Variants in CSMD3 observed in about 807,000 individuals in gnomAD.
CSMD3 encodes CUB and Sushi multiple domains 3.
Under a neutral mutation model 435.2 loss-of-function variants are expected in CSMD3, and 177 were observed. That is an observed-to-expected ratio of 0.41 (90% confidence interval 0.36 to 0.46). The LOEUF (loss-of-function observed/expected upper bound fraction) is 0.46. Among genes scored for constraint, CSMD3 ranks in the 20% least tolerant of loss-of-function variants. The pLI is 0.34. For missense variants in CSMD3, 4,265 were observed against 4,504.6 expected (o/e 0.95, Z 1.52); for synonymous variants, 1,656 against 1,520.5 (o/e 1.09, Z -2.07).
chr8:112,714,103 C>A (rs1252540212), intron 13 of CSMD3, among the ~76,000 whole-genome samples: 1 of 151,986 alleles, frequency 6.6e-6, no homozygotes, highest in East Asian at 1.9e-4. Context: ...GAGCTAAATG[C>A]CTCAATTAAA....
At chr8:112,536,446 G>T (rs2131106085) in intron 27 of CSMD3, among the ~76,000 whole-genome samples, 1 of 152,296 alleles carries the variant, frequency 6.6e-6, no homozygotes. Context: ...GGCCATCAGA[G>T]AAATGCAAAT....
intron 35 of CSMD3, among the ~76,000 whole-genome samples, chr8:112,392,716 T>C (rs770691063): frequency 5.3e-5 from 8 of 152,008 alleles, no homozygotes; most frequent in Non-Finnish European, 1.2e-4. Flanking sequence ...TCCCTATGGC[T>C]GGTATGTTTT....
At chr8:113,047,204 T>C (rs1026729807) in intron 5 of CSMD3, among the ~76,000 whole-genome samples, 2 of 152,200 alleles carry the variant, frequency 1.3e-5, no homozygotes, top group African/African-American at 2.4e-5. Context: ...CACTTTCTAA[T>C]AGTTACCGTA....
intron 20 of CSMD3, among the ~76,000 whole-genome samples, chr8:112,641,588 G>A (rs2074829339): frequency 6.6e-6 from 1 of 152,160 alleles, no homozygotes; most frequent in Non-Finnish European, 1.5e-5. Flanking sequence ...TGTAATCCCA[G>A]CACTTTGGGA....
At chr8:113,144,935 T>C (rs1356298326) in intron 4 of CSMD3, among the ~76,000 whole-genome samples, 1 of 151,456 alleles carries the variant, frequency 6.6e-6, no homozygotes, top group African/African-American at 2.4e-5. Flanking sequence ...GATTGGGAAA[T>C]GAAAGTGATG....
intron 30 of CSMD3, 91 bp from the exon 31 acceptor site, chr8:112,492,774 C>T: frequency 1.9e-6 from 2 of 1,041,424 alleles, no homozygotes; most frequent in Non-Finnish European, 1.5e-6. Context: ...ATTCAGCCAA[C>T]TGCAGATTGA....
At chr8:112,372,945 G>T (rs1828554593) in intron 38 of CSMD3, among the ~76,000 whole-genome samples, 1 of 119,094 alleles carries the variant, frequency 8.4e-6, no homozygotes. Flanking sequence ...GGGCATGTCT[G>T]TGTAGTAACT....
At chr8:112,404,083 T>G (rs1831561593) in intron 35 of CSMD3, among the ~76,000 whole-genome samples, 1 of 152,096 alleles carries the variant, frequency 6.6e-6, no homozygotes, top group African/African-American at 2.4e-5. Context: ...AGTGGCGATA[T>G]CAAATTCCTA....
chr8:113,367,386 A>G (rs1271394713), intron 1 of CSMD3, among the ~76,000 whole-genome samples: 1 of 151,976 alleles, frequency 6.6e-6, no homozygotes. Context: ...AATTTACTTC[A>G]TTTTTTAATA....
At chr8:112,950,704 A>C (rs2083776500) in intron 8 of CSMD3, among the ~76,000 whole-genome samples, 1 of 151,920 alleles carries the variant, frequency 6.6e-6, no homozygotes, top group Non-Finnish European at 1.5e-5. Context: ...AGGTTAAGAA[A>C]TGTGTCCAAA....
intron 3 of CSMD3, among the ~76,000 whole-genome samples, chr8:113,195,508 T>C (rs2092640987): frequency 6.6e-6 from 1 of 150,814 alleles, no homozygotes; most frequent in Non-Finnish European, 1.5e-5. Context: ...TTCAGATAAG[T>C]AAATATTTAA....
At chr8:112,984,178 T>C (rs980499480) in intron 6 of CSMD3, among the ~76,000 whole-genome samples, 1 of 151,870 alleles carries the variant, frequency 6.6e-6, no homozygotes, top group Non-Finnish European at 1.5e-5. Context: ...GTATTACATA[T>C]AATTATATAT....
At chr8:112,618,911 G>A (rs531012247) in intron 22 of CSMD3, among the ~76,000 whole-genome samples, 16 of 152,098 alleles carry the variant, frequency 1.1e-4, no homozygotes, top group Non-Finnish European at 1.5e-4. Flanking sequence ...TTTTGGTCCA[G>A]ATCATCTTTT....
At chr8:112,960,500 C>T (rs1443996741) in intron 7 of CSMD3, among the ~76,000 whole-genome samples, 1 of 151,548 alleles carries the variant, frequency 6.6e-6, no homozygotes, top group African/African-American at 2.4e-5. Context: ...TTCTGGGTTA[C>T]ACAGGAAGAC....
intron 31 of CSMD3, among the ~76,000 whole-genome samples, chr8:112,488,460 C>G (rs1237835473): frequency 6.6e-6 from 1 of 152,084 alleles, no homozygotes; most frequent in Non-Finnish European, 1.5e-5. Flanking sequence ...GTATTTGCTT[C>G]TACACTAAAA....
intron 1 of CSMD3, among the ~76,000 whole-genome samples, chr8:113,367,718 G>C (rs9642820): frequency 0.28 from 43,134 of 151,778 alleles, 7,147 homozygotes; most frequent in East Asian, 0.69. Context: ...CTTTGCACTT[G>C]TTATTTTCTG....
intron 6 of CSMD3, among the ~76,000 whole-genome samples, chr8:112,988,580 G>A (rs945649944): frequency 9.9e-5 from 15 of 151,972 alleles, no homozygotes; most frequent in Non-Finnish European, 2.2e-4. Context: ...TTACTATGTT[G>A]CTAATGTGTA....
intron 12 of CSMD3, among the ~76,000 whole-genome samples, chr8:112,809,039 TAGAA>T (rs35584734): frequency 0.2 from 31,146 of 151,982 alleles, 3,979 homozygotes; most frequent in Non-Finnish European, 0.3. Flanking sequence ...TGTCAAAAAT[TAGAA>T]TGACATCTGC....
chr8:112,602,658 A>G (rs778160405), intron 22 of CSMD3, among the ~76,000 whole-genome samples: 1 of 151,800 alleles, frequency 6.6e-6, no homozygotes, highest in Non-Finnish European at 1.5e-5. Flanking sequence ...GTTAGCCCAC[A>G]GCATCACCGA....
Sources: allele counts gnomAD v4.1 joint callset (sites outside exome capture counted in the v4.1 genomes callset), GRCh38; gene constraint gnomAD v4.1.1; transcripts MANE v1.5; gene names NCBI Gene and HGNC (gene_info 2026-07-23, HGNC 2026-07-21).